Variants in PTPRR observed in about 807,000 individuals in gnomAD.
PTPRR encodes the protein protein tyrosine phosphatase receptor type R.
Under a neutral mutation model 77.2 loss-of-function variants are expected in PTPRR, and 38 were observed. The observed-to-expected ratio is 0.49, with a 90% CI of 0.38 to 0.65. The LOEUF (loss-of-function observed/expected upper bound fraction) is 0.65. Among genes scored for constraint, PTPRR ranks in the 30% least tolerant of loss-of-function variants. The pLI, the probability that PTPRR is intolerant of heterozygous loss-of-function variation, is 0.00. For synonymous variants in PTPRR, 299 were observed against 283.1 expected, an observed-to-expected ratio of 1.06 and a Z score of -0.57; for missense variants, 744 against 799.2, an observed-to-expected ratio of 0.93 and a Z score of 0.83.
chr12:70,868,174 A>T (rs528573476), intron 2 of PTPRR, among the ~76,000 whole-genome samples: 12 of 152,310 alleles, frequency 7.9e-5, no homozygotes, highest in Non-Finnish European at 1.5e-4. Context: ...AATAAAAGAC[A>T]AAATTGACAA....
chr12:70,789,638 G>T (rs921621517), intron 2 of PTPRR, among the ~76,000 whole-genome samples: 1 of 151,922 alleles, frequency 6.6e-6, no homozygotes, highest in African/African-American at 2.4e-5. Flanking sequence ...TCTAAAAATA[G>T]ATGGCAACAA....
chr12:70,811,403 A>G (rs983518581), intron 2 of PTPRR, among the ~76,000 whole-genome samples: 3 of 152,208 alleles, frequency 2.0e-5, no homozygotes, highest in African/African-American at 7.2e-5. Context: ...AATAGGTGAA[A>G]GTATGCATTT....
At position 70,813,730 on chromosome 12, in the gene PTPRR, C is replaced by T. The variant is rs552818507; in HGVS notation, c.358-48952G>A. Among the ~76,000 whole-genome samples, 7 of 152,274 alleles carry T rather than the reference C, an allele frequency of 4.6e-5. No homozygotes were observed. The South Asian group carries it at 1.2e-3, about 27-fold the overall frequency. Reference sequence around the variant, plus strand: ...CTGCCTGAAGAGAGGCCACACATCTCCCCAAGTTCAGAATTCAAAGAGGCC... The same window carrying T: ...CTGCCTGAAGAGAGGCCACACATCTTCCCAAGTTCAGAATTCAAAGAGGCC... On this transcript the variant is annotated intron_variant, in intron 2 of 13. Coordinates refer to ENST00000283228, the MANE Select transcript of PTPRR (RefSeq NM_002849.4).
At chr12:70,897,462 C>A (rs906972830) in intron 1 of PTPRR, among the ~76,000 whole-genome samples, 4 of 151,910 alleles carry the variant, frequency 2.6e-5, no homozygotes, top group African/African-American at 9.7e-5. Context: ...GAGATACCAT[C>A]TCACACCAGT....
intron 6 of PTPRR, among the ~76,000 whole-genome samples, chr12:70,732,185 T>G (rs1349575052): frequency 6.6e-6 from 1 of 152,244 alleles, no homozygotes; most frequent in African/African-American, 2.4e-5. Context: ...CCTTTAGTAC[T>G]TCATCATTTT....
At chr12:70,665,894 T>A (rs1886975787) in intron 10 of PTPRR, among the ~76,000 whole-genome samples, 1 of 152,234 alleles carries the variant, frequency 6.6e-6, no homozygotes. Context: ...ACATAGAATG[T>A]GGCTCTAAGT....
intron 6 of PTPRR, among the ~76,000 whole-genome samples, chr12:70,709,013 T>A (rs1157082156): frequency 6.6e-6 from 1 of 151,950 alleles, no homozygotes; most frequent in Admixed American, 6.6e-5. Flanking sequence ...CTGGCAGAGA[T>A]TCAATAAAAA....
At chr12:70,721,313 T>C (rs543752619) in intron 6 of PTPRR, among the ~76,000 whole-genome samples, 2 of 152,276 alleles carry the variant, frequency 1.3e-5, no homozygotes, top group African/African-American at 2.4e-5. Flanking sequence ...TGTCTAAGAA[T>C]AGGTAATTTA....
At chr12:70,682,286 G>T (rs1026543425) in intron 10 of PTPRR, among the ~76,000 whole-genome samples, 1 of 151,268 alleles carries the variant, frequency 6.6e-6, no homozygotes, top group Non-Finnish European at 1.5e-5. Context: ...CTCGTGATCC[G>T]CCCGCCTCGG....
At chr12:70,808,281 G>A (rs1213998473) in intron 2 of PTPRR, among the ~76,000 whole-genome samples, 1 of 152,080 alleles carries the variant, frequency 6.6e-6, no homozygotes, top group Non-Finnish European at 1.5e-5. Flanking sequence ...CGTGCACAGT[G>A]GGACATGGAA....
chr12:70,824,736 G>T (rs1401506649), intron 2 of PTPRR, among the ~76,000 whole-genome samples: 1 of 152,150 alleles, frequency 6.6e-6, no homozygotes, highest in Non-Finnish European at 1.5e-5. Context: ...GCCTTTGTCG[G>T]GATGGGGTTG....
At chr12:70,866,767 G>T (rs923421455) in intron 2 of PTPRR, among the ~76,000 whole-genome samples, 1 of 152,086 alleles carries the variant, frequency 6.6e-6, no homozygotes, top group Admixed American at 6.6e-5. Context: ...GATGAACATT[G>T]ATGCAAAAAT....
In PTPRR at chr12:70,717,914, C is replaced by T. The variant is rs561497856; in HGVS notation, c.1008-16591G>A. ...AAAAAAATAGTATTTGCTTTTATTACATATTAAACAATTATCATATAAAAC... is the reference window on the plus strand; with the variant it reads ...AAAAAAATAGTATTTGCTTTTATTATATATTAAACAATTATCATATAAAAC... On this transcript the variant is annotated intron_variant, in intron 6 of 13. Coordinates refer to ENST00000283228, the MANE Select transcript of PTPRR (RefSeq NM_002849.4). 1.1e-3 allele frequency among the ~76,000 whole-genome samples: 167 copies of T among 152,210 alleles called. 1 individual carries two copies. The highest frequency in any genetic ancestry group is 3.9e-3 in the African/African-American group (161 of 41,526).
chr12:70,796,456 T>C (rs79855232), intron 2 of PTPRR, among the ~76,000 whole-genome samples: 5,031 of 152,260 alleles, frequency 0.033, 111 homozygotes, highest in Non-Finnish European at 0.049. Context: ...ATATGTGATT[T>C]ATAAATATGT....
chr12:70,672,071 G>A, intron 10 of PTPRR: 6 of 1,339,754 alleles, frequency 4.5e-6, no homozygotes, highest in Middle Eastern at 3.7e-4. Flanking sequence ...TGGTGGAAGG[G>A]TTATCAACCT....
intron 2 of PTPRR, among the ~76,000 whole-genome samples, chr12:70,814,412 A>G (rs993080979): frequency 1.3e-5 from 2 of 152,196 alleles, no homozygotes; most frequent in African/African-American, 4.8e-5. Flanking sequence ...CTCTCCTCCC[A>G]GAGAGCCTGG....
intron 2 of PTPRR, among the ~76,000 whole-genome samples, chr12:70,886,527 C>G (rs1431960402): frequency 6.6e-6 from 1 of 152,090 alleles, no homozygotes; most frequent in African/African-American, 2.4e-5. Flanking sequence ...TAAGTCAACT[C>G]AAATGATTTT....
At position 70,900,653 on chromosome 12, in the gene PTPRR, C is replaced by T. The variant is rs562504123; in HGVS notation, c.59-7676G>A. Among the ~76,000 whole-genome samples the T allele has an allele frequency of 5.3e-5, 8 of 151,374 alleles. No homozygotes were observed. The South Asian group carries it at 6.2e-4, about 12-fold the overall frequency. On this transcript the variant is annotated intron_variant, in intron 1 of 13. Coordinates refer to ENST00000283228, the MANE Select transcript of PTPRR (RefSeq NM_002849.4). Reference sequence around the variant, plus strand: ...TGATAAGGAGTTAATATCAAAAATACATAAGGAACTCAAACAATGTAATAC... The same window carrying T: ...TGATAAGGAGTTAATATCAAAAATATATAAGGAACTCAAACAATGTAATAC...
rs762869930 is a variant in PTPRR at position 70,892,707 on chromosome 12, G to A, written c.329C>T (p.Pro110Leu). The change falls in exon 2 of 14, where the codon CCA (proline) becomes CTA (leucine). Residue 110 changes from proline to leucine, a missense_variant. Around this residue, in one of 3 missense-constraint regions of PTPRR, gnomAD observed 570 missense variants for 573.2 expected, o/e 0.99. Transcript: ENST00000283228. ...DGQDLEVENL[P>L]IPAANVIVVT... ...CACAATTACATTTGCTGCTGGGATT[G>A]GGAGATTTTCCACTTCAAGATCTTG... is the stretch of plus-strand genomic sequence containing the variant. 6.2e-7 allele frequency: 1 copy of A among 1,613,264 alleles called. No homozygotes were observed. The highest frequency in any genetic ancestry group is 8.5e-7 in the Non-Finnish European group (1 of 1,179,382).
Sources: allele counts gnomAD v4.1 joint callset (sites outside exome capture counted in the v4.1 genomes callset), GRCh38; gene constraint gnomAD v4.1.1; regional missense constraint gnomAD v4.1.1; transcripts MANE v1.5; gene names NCBI Gene and HGNC (gene_info 2026-07-23, HGNC 2026-07-21).